MTMR14: variants seen among roughly 807,000 people sequenced by gnomAD.
MTMR14 encodes myotubularin related protein 14, also known as phosphatidylinositol-3,5-bisphosphate 3-phosphatase MTMR14.
MTMR14 carries 48 observed loss-of-function variants against 86.3 expected under a neutral mutation model. That is an observed-to-expected ratio of 0.56 (90% CI 0.44 to 0.71). The LOEUF (loss-of-function observed/expected upper bound fraction) is 0.71, where lower values mean the gene tolerates loss of function less well. Among genes scored for constraint, MTMR14 ranks in the 30% least tolerant of loss-of-function variants. MTMR14 has a pLI of 0.00. For missense variants in MTMR14, 780 were observed against 834.6 expected (o/e 0.93, Z 0.81); for synonymous variants, 366 against 326.1 (o/e 1.12, Z -1.32).
intron 2 of MTMR14, among the ~76,000 whole-genome samples, chr3:9,661,981 G>C (rs888425769): frequency 6.6e-6 from 1 of 151,778 alleles, no homozygotes; most frequent in African/African-American, 2.4e-5. Context: ...CAGCATACTC[G>C]GGAGGCTGAG....
chr3:9,686,944 G>C (rs1047666320), intron 13 of MTMR14, among the ~76,000 whole-genome samples: 15 of 152,224 alleles, frequency 9.9e-5, no homozygotes, highest in African/African-American at 3.6e-4. Flanking sequence ...CCTCCTGCCT[G>C]TGCCCACCTC....
chr3:9,657,050 A>G (rs570534721), intron 2 of MTMR14, among the ~76,000 whole-genome samples: 37 of 151,856 alleles, frequency 2.4e-4, no homozygotes, highest in African/African-American at 8.7e-4. Context: ...GTAGCTGGGA[A>G]TATGGGCACA....
At chr3:9,684,696 G>C in intron 11 of MTMR14, 26 bp downstream of exon 11, 1 of 1,613,100 alleles carries the variant, frequency 6.2e-7, no homozygotes, top group Non-Finnish European at 8.5e-7. Flanking sequence ...CCCCTACCAA[G>C]CTCTGCTCTT....
At position 9,702,075 on chromosome 3, in the gene MTMR14, A is replaced by G. The variant is rs1271248370; in HGVS notation, c.*102A>G. ...AAGGGGTACTTCCAGGTCAGGGGAAATTTCAGTCCCCCATCTCCATCATGA... is the reference window on the plus strand; with the variant it reads ...AAGGGGTACTTCCAGGTCAGGGGAAGTTTCAGTCCCCCATCTCCATCATGA... On this transcript the variant is annotated 3_prime_UTR_variant, in exon 19 of 19. Coordinates refer to ENST00000296003, the MANE Select transcript of MTMR14 (RefSeq NM_001077525.3). 1 of 1,455,298 alleles carries G rather than the reference A, an allele frequency of 6.9e-7. No homozygotes were observed. Among genetic ancestry groups the G allele is most frequent in the East Asian group, 2.3e-5 (1 of 43,604 alleles). 90.1% of individuals were successfully genotyped at this position (1,455,298 alleles called of 1,614,324 possible). A position where few individuals can be genotyped will look rare whatever the true frequency, so the allele number is the denominator to read the frequency against.
intron 2 of MTMR14, among the ~76,000 whole-genome samples, chr3:9,661,676 G>A (rs2047941917): frequency 6.6e-6 from 1 of 151,904 alleles, no homozygotes. Flanking sequence ...ATAATATCCA[G>A]TTTTCTGTGT....
intron 7 of MTMR14, chr3:9,675,637 C>G (rs781445896): frequency 4.4e-6 from 2 of 457,428 alleles, no homozygotes; most frequent in Admixed American, 2.3e-5. Flanking sequence ...TGGTCCCTCT[C>G]CTCTTGCCTG....
rs756719054 is a variant in MTMR14 at position 9,653,765 on chromosome 3, GAC to G, written c.307_308del (p.Thr103ValfsTer2). On this transcript the variant is annotated frameshift_variant and splice_region_variant, in exon 2 of 19. Coordinates refer to ENST00000296003, the MANE Select transcript of MTMR14 (RefSeq NM_001077525.3). LOFTEE classifies it high-confidence loss of function. Reference protein sequence around the residue: ...LEYESSEKEKDTFESTVQVSK... With the variant: ...LEYESSEKEKXTFESTVQVSK... ...GTATGAGAGTTCTGAGAAGGAGAAAGACACGTGAGCATCATGTGACCGTAGTG... is the reference window on the plus strand; with the variant it reads ...GTATGAGAGTTCTGAGAAGGAGAAAGACGTGAGCATCATGTGACCGTAGTG... 17 of 1,614,086 alleles carry G rather than the reference GAC, an allele frequency of 1.1e-5. No individual in the cohort carries two copies. The highest frequency in any genetic ancestry group is 1.4e-5 in the Non-Finnish European group (17 of 1,180,048).
intron 7 of MTMR14, 43 bp downstream of exon 7, chr3:9,672,801 ACCTTGGGGG>A: frequency 1.9e-6 from 3 of 1,575,976 alleles, no homozygotes; most frequent in Non-Finnish European, 2.6e-6. Context: ...AGGACTGGGG[ACCTTGGGGG>A]CCATGAGCAA....
chr3:9,691,149 C>T (rs1414697904), intron 17 of MTMR14, among the ~76,000 whole-genome samples: 1 of 152,212 alleles, frequency 6.6e-6, no homozygotes, highest in Non-Finnish European at 1.5e-5. Context: ...GGCAAGTGGG[C>T]GTTCCAGACT....
In MTMR14 at chr3:9,679,092, G is replaced by T. The variant is rs567384634; in HGVS notation, c.897+1034G>T. Reference sequence around the variant, plus strand: ...AGATCACCAATGTCAGTACCCTGTTGTCCTGATAGCAGCAAGGTCCATCTT... The same window carrying T: ...AGATCACCAATGTCAGTACCCTGTTTTCCTGATAGCAGCAAGGTCCATCTT... On this transcript the variant is annotated intron_variant, in intron 9 of 18. Coordinates refer to ENST00000296003, the MANE Select transcript of MTMR14 (RefSeq NM_001077525.3). 2.6e-5 allele frequency among the ~76,000 whole-genome samples: 4 copies of T among 152,348 alleles called. No individual in the cohort carries two copies. The East Asian group carries it at 7.7e-4, about 29-fold the overall frequency.
At chr3:9,688,013 C>T (rs1193015925) in intron 14 of MTMR14, 122 bp downstream of exon 14, 6 of 849,818 alleles carry the variant, frequency 7.1e-6, no homozygotes, top group South Asian at 1.4e-5. Context: ...GGCTGGTGCT[C>T]CCTCCTGCCT....
Position 9,684,653 on chromosome 3 carries a change from C to T in MTMR14, c.1033C>T (p.Arg345Cys), listed in dbSNP as rs1212653021. 12 of 1,614,162 alleles carry T rather than the reference C, an allele frequency of 7.4e-6. No homozygotes were observed. The highest frequency in any genetic ancestry group is 9.3e-6 in the Non-Finnish European group (11 of 1,180,024). ...GACCCCCCTCTTCATCTCCCTCCTG[C>T]GCCTTTCCTTGTGGGCTGTGAGTAT... ...DRTPLFISLL[R>C]LSLWADGLIH... is the part of the protein sequence containing the mutation. Residue 345 changes from arginine to cysteine, a missense_variant, in exon 11 of 19, where the codon CGC becomes TGC. Coordinates refer to ENST00000296003, the MANE Select transcript of MTMR14 (RefSeq NM_001077525.3).
intron 9 of MTMR14, among the ~76,000 whole-genome samples, chr3:9,680,314 G>A (rs1272367030): frequency 2.0e-5 from 3 of 152,156 alleles, no homozygotes; most frequent in Non-Finnish European, 4.4e-5. Context: ...CCTAGCTCAG[G>A]CCACCACTGT....
intron 2 of MTMR14, chr3:9,659,956 G>C (rs1000196019): frequency 2.4e-5 from 10 of 413,514 alleles, no homozygotes; most frequent in Non-Finnish European, 4.9e-5. Flanking sequence ...GGGAAAATCA[G>C]ATGTAGGCAT....
chr3:9,672,553 G>A (rs2048626281), intron 6 of MTMR14, 132 bp from the exon 7 acceptor site: 1 of 814,010 alleles, frequency 1.2e-6, no homozygotes, highest in Admixed American at 1.9e-5. Flanking sequence ...CACTGCTGAA[G>A]GGAATTATTA....
At chr3:9,678,166 T>C (rs1285005191) in intron 9 of MTMR14, 108 bp downstream of exon 9, 1 of 1,104,312 alleles carries the variant, frequency 9.1e-7, no homozygotes, top group Non-Finnish European at 1.3e-6. Context: ...ATGGGCTGGC[T>C]TGTGCACTCA....
At chr3:9,651,579 T>C (rs989312956) in intron 1 of MTMR14, among the ~76,000 whole-genome samples, 9 of 152,226 alleles carry the variant, frequency 5.9e-5, no homozygotes, top group Non-Finnish European at 1.3e-4. Flanking sequence ...TATATTTATA[T>C]GTATTTATAA....
intron 1 of MTMR14, among the ~76,000 whole-genome samples, chr3:9,651,931 A>C (rs1431530707): frequency 6.6e-6 from 1 of 151,778 alleles, no homozygotes; most frequent in Non-Finnish European, 1.5e-5. Context: ...TCCTGGGTTC[A>C]AGCGATTCTC....
At chr3:9,687,672 C>A in intron 13 of MTMR14, 149 bp from the exon 14 acceptor site, 1 of 705,822 alleles carries the variant, frequency 1.4e-6, no homozygotes, top group Non-Finnish European at 2.5e-6. Context: ...CTGTACCACC[C>A]ACACCATTTA....
Sources: gnomAD v4.1 joint callset for allele counts (sites outside exome capture counted in the v4.1 genomes callset) on GRCh38, gnomAD v4.1.1 for gene constraint, MANE v1.5 for transcripts, NCBI Gene and HGNC (gene_info 2026-07-23, HGNC 2026-07-21) for gene names.